ABLIM1: variants seen among roughly 807,000 people sequenced by gnomAD.
ABLIM1 encodes actin binding LIM protein 1, also known as actin-binding LIM protein 1.
Under a neutral mutation model 107.0 loss-of-function variants are expected in ABLIM1, and 40 were observed. That is an observed-to-expected ratio of 0.37 (90% confidence interval 0.29 to 0.49). The LOEUF is 0.49. ABLIM1 is among the 20% of genes least tolerant of loss of function. The pLI is 0.97. For missense variants in ABLIM1, 857 were observed against 1,008.5 expected (o/e 0.85, Z 2.04); for synonymous variants, 357 against 357.3 (o/e 1.00, Z 0.01).
At chr10:114,728,611 A>G (rs1210256713) in intron 1 of ABLIM1, among the ~76,000 whole-genome samples, 1 of 151,730 alleles carries the variant, frequency 6.6e-6, no homozygotes, top group Admixed American at 6.6e-5. Flanking sequence ...AAAAAATAGA[A>G]AAAACAAAAA....
At chr10:114,679,093 G>A (rs919562834) in intron 1 of ABLIM1, among the ~76,000 whole-genome samples, 9 of 152,126 alleles carry the variant, frequency 5.9e-5, no homozygotes, top group African/African-American at 2.2e-4. Context: ...GAACTTAGCC[G>A]TCAAGAGGTC....
chr10:114,676,432 G>A (rs1307122483), intron 1 of ABLIM1, among the ~76,000 whole-genome samples: 5 of 152,022 alleles, frequency 3.3e-5, no homozygotes, highest in Non-Finnish European at 5.9e-5. Context: ...AACCGAGATC[G>A]CGACACTGCA....
intron 6 of ABLIM1, among the ~76,000 whole-genome samples, chr10:114,497,419 C>A (rs1375257286): frequency 6.7e-6 from 1 of 148,456 alleles, no homozygotes; most frequent in Non-Finnish European, 1.5e-5. Flanking sequence ...GTGGCTCATG[C>A]CTGTAATCCC....
At chr10:114,477,092 T>C (rs1401452554) in intron 8 of ABLIM1, among the ~76,000 whole-genome samples, 2 of 151,654 alleles carry the variant, frequency 1.3e-5, no homozygotes, top group African/African-American at 2.4e-5. Context: ...GGATGAAGAG[T>C]CAGGATTTGA....
At chr10:114,517,573 G>A (rs186282883) in intron 6 of ABLIM1, among the ~76,000 whole-genome samples, 4 of 152,234 alleles carry the variant, frequency 2.6e-5, no homozygotes, top group Admixed American at 2.0e-4. Context: ...CCTTAGGAAC[G>A]AATTCAAGGC....
intron 15 of ABLIM1, among the ~76,000 whole-genome samples, chr10:114,445,733 T>A (rs967067531): frequency 6.6e-6 from 1 of 152,162 alleles, no homozygotes; most frequent in African/African-American, 2.4e-5. Context: ...TGGAAGGGCA[T>A]CTCCAGTTGT....
chr10:114,573,891 C>T (rs1197290485), intron 3 of ABLIM1, among the ~76,000 whole-genome samples: 1 of 151,988 alleles, frequency 6.6e-6, no homozygotes, highest in African/African-American at 2.4e-5. Flanking sequence ...TGTGCCACAG[C>T]CTGAAAAGGG....
chr10:114,618,665 G>A (rs967917299), intron 1 of ABLIM1, among the ~76,000 whole-genome samples: 2 of 152,190 alleles, frequency 1.3e-5, no homozygotes, highest in African/African-American at 4.8e-5. Context: ...CCCTGGAGAG[G>A]CAAGGCACAG....
chr10:114,443,106 G>T (rs1424920761), intron 17 of ABLIM1, among the ~76,000 whole-genome samples: 1 of 152,106 alleles, frequency 6.6e-6, no homozygotes, highest in African/African-American at 2.4e-5. Context: ...CCCACTAAAT[G>T]CATTTTTAAA....
chr10:114,474,797 T>C (rs1251506483), intron 8 of ABLIM1, among the ~76,000 whole-genome samples: 1 of 152,208 alleles, frequency 6.6e-6, no homozygotes, highest in Non-Finnish European at 1.5e-5. Flanking sequence ...AATCCCCACG[T>C]GTCAAGGATA....
At chr10:114,672,967 TAAA>T (rs1293589777) in intron 1 of ABLIM1, among the ~76,000 whole-genome samples, 1 of 152,068 alleles carries the variant, frequency 6.6e-6, no homozygotes, top group Non-Finnish European at 1.5e-5. Flanking sequence ...TTTAATATTT[TAAA>T]AAATCAGCCG....
chr10:114,699,900 C>T (rs2081273522), intron 1 of ABLIM1, among the ~76,000 whole-genome samples: 1 of 152,010 alleles, frequency 6.6e-6, no homozygotes, highest in Admixed American at 6.6e-5. Context: ...GATATTATAC[C>T]ACAGTATTGC....
Position 114,575,413 on chromosome 10 carries a change from T to C in ABLIM1, c.563+3A>G. Reference sequence around the variant, plus strand: ...TAGGCTTTGGAAAGATAGGCTCACTTACTTGCAGATAGTACAAGCAAAGCA... The same window carrying C: ...TAGGCTTTGGAAAGATAGGCTCACTCACTTGCAGATAGTACAAGCAAAGCA... On this transcript the variant is annotated splice_donor_region_variant and intron_variant, in intron 3 of 22. Transcript: ENST00000533213. 1 of 1,613,366 alleles carries C rather than the reference T, an allele frequency of 6.2e-7. No homozygotes were observed. Among genetic ancestry groups the C allele is most frequent in the Non-Finnish European group, 8.5e-7 (1 of 1,179,584 alleles).
At chr10:114,610,213 A>G (rs1326276817) in intron 1 of ABLIM1, among the ~76,000 whole-genome samples, 2 of 152,346 alleles carry the variant, frequency 1.3e-5, no homozygotes, top group Non-Finnish European at 2.9e-5. Flanking sequence ...TGGGAGAAGA[A>G]CATGTACAGA....
At chr10:114,516,008 G>A (rs994979271) in intron 6 of ABLIM1, among the ~76,000 whole-genome samples, 2 of 152,174 alleles carry the variant, frequency 1.3e-5, no homozygotes, top group Non-Finnish European at 2.9e-5. Context: ...TGTTATGCTG[G>A]CTCCAAAATA....
intron 17 of ABLIM1, 95 bp from the exon 18 acceptor site, chr10:114,441,881 A>G: frequency 9.0e-7 from 1 of 1,112,826 alleles, no homozygotes; most frequent in South Asian, 1.3e-5. Context: ...ACAGGATAGA[A>G]ATACCAAAAA....
chr10:114,516,343 G>A (rs967902659), intron 6 of ABLIM1, among the ~76,000 whole-genome samples: 7 of 152,154 alleles, frequency 4.6e-5, no homozygotes, highest in Non-Finnish European at 8.8e-5. Flanking sequence ...GGTCAACGTG[G>A]CAAAACCCTG....
intron 6 of ABLIM1, among the ~76,000 whole-genome samples, chr10:114,523,406 C>T (rs185595951): frequency 6.6e-6 from 1 of 152,160 alleles, no homozygotes; most frequent in East Asian, 1.9e-4. Context: ...CAACAAGGGC[C>T]GTTTTTTCAC....
chr10:114,459,295 C>T (rs1245091953), intron 12 of ABLIM1, among the ~76,000 whole-genome samples: 6 of 152,218 alleles, frequency 3.9e-5, no homozygotes, highest in African/African-American at 7.2e-5. Flanking sequence ...AGTTCCAAGA[C>T]AAGCTCCAAG....
Sources: allele counts gnomAD v4.1 joint callset (sites outside exome capture counted in the v4.1 genomes callset), GRCh38; gene constraint gnomAD v4.1.1; transcripts MANE v1.5; gene names NCBI Gene and HGNC (gene_info 2026-07-23, HGNC 2026-07-21).